The following HEATR3 variants were observed in gnomAD, a reference collection of about 807,000 sequenced individuals.
HEATR3 encodes the protein HEAT repeat containing 3, also known as HEAT repeat-containing protein 3.
Under a neutral mutation model 72.8 loss-of-function variants are expected in HEATR3, and 56 were observed. The ratio of observed to expected loss-of-function variants is 0.77; its 90% CI spans 0.62 to 0.96. The LOEUF is 0.96. HEATR3 is among the 40% of genes least tolerant of loss of function. The pLI is 0.00. For synonymous variants in HEATR3, 331 were observed against 318.1 expected (o/e 1.04, Z -0.43); for missense variants, 747 against 831.4 (o/e 0.90, Z 1.25).
chr16:50,098,895 A>G (rs1396039209), intron 12 of HEATR3, among the ~76,000 whole-genome samples: 4 of 152,110 alleles, frequency 2.6e-5, no homozygotes, highest in African/African-American at 9.7e-5. Flanking sequence ...ACTTAATAGT[A>G]TCAAAATAAC....
intron 8 of HEATR3, 28 bp downstream of exon 8, chr16:50,084,055 T>G (rs1315602899): frequency 1.2e-6 from 2 of 1,613,876 alleles, no homozygotes; most frequent in Non-Finnish European, 1.7e-6. Flanking sequence ...TTTAGACATT[T>G]TCCCCCTGAG....
intron 5 of HEATR3, among the ~76,000 whole-genome samples, chr16:50,075,313 CAA>C (rs60094512): frequency 6.6e-5 from 8 of 121,120 alleles, no homozygotes; most frequent in Admixed American, 8.6e-5. Context: ...AAGACTGTCT[CAA>C]AAAAAAAAAA....
chr16:50,086,235 G>A lies in HEATR3; in HGVS notation c.1394G>A (p.Arg465Lys). 1.9e-6 allele frequency: 3 copies of A among 1,579,574 alleles called. No homozygotes were observed. The highest frequency in any genetic ancestry group is 2.6e-6 in the Non-Finnish European group (3 of 1,161,142). Residue 465 changes from arginine (R) to lysine (K), a missense_variant, in exon 11 of 15, where the codon AGA becomes AAA. Physicochemically the swap from Arg to Lys is conservative, Grantham distance 26. Transcript: ENST00000299192. ...LIRKMNTIQC[R>K]ALFCLQSLVS... The stretch of plus-strand genomic sequence containing the variant: ...TCCAGAATGAACACTATTCAGTGCA[G>A]AGCCCTCTTCTGTCTCCAGAGTCTT...
chr16:50,081,626 C>T (rs986294287), intron 7 of HEATR3, among the ~76,000 whole-genome samples: 26 of 152,134 alleles, frequency 1.7e-4, no homozygotes, highest in African/African-American at 6.0e-4. Flanking sequence ...TGTTTAAGTG[C>T]CAGTAGGATG....
intron 6 of HEATR3, 144 bp from the exon 7 acceptor site, chr16:50,078,597 A>T: frequency 1.3e-6 from 1 of 751,042 alleles, no homozygotes; most frequent in South Asian, 1.9e-5. Flanking sequence ...GAACTCATTG[A>T]TATTTAATAA....
At chr16:50,081,307 G>A (rs900784465) in intron 7 of HEATR3, among the ~76,000 whole-genome samples, 2 of 152,102 alleles carry the variant, frequency 1.3e-5, no homozygotes, top group African/African-American at 4.8e-5. Flanking sequence ...AGGTGTGGTG[G>A]CATGTGCCTG....
At chr16:50,067,523 A>AG (rs56113751) in intron 2 of HEATR3, among the ~76,000 whole-genome samples, 103,688 of 151,848 alleles carry the variant, frequency 0.68, 35,683 homozygotes, top group Admixed American at 0.72. Flanking sequence ...CAGAGAGGGT[A>AG]GGTAGGTGGC....
At chr16:50,072,552 T>G (rs2036634766) in intron 4 of HEATR3, 53 bp from the exon 5 acceptor site, 10 of 1,155,534 alleles carry the variant, frequency 8.7e-6, no homozygotes, top group South Asian at 7.6e-5. Flanking sequence ...TATGGTTGAT[T>G]TCCTACTGTT....
At chr16:50,104,681 A>G (rs1267724742) in intron 14 of HEATR3, among the ~76,000 whole-genome samples, 1 of 152,188 alleles carries the variant, frequency 6.6e-6, no homozygotes, top group East Asian at 1.9e-4. Flanking sequence ...GGTTTACATA[A>G]TTCCTTTCTA....
rs2037496298 is a variant in HEATR3 at position 50,106,829 on chromosome 16, T to C, written c.*1768T>C. Among the ~76,000 whole-genome samples the C allele has an allele frequency of 6.6e-6, 1 of 152,212 alleles. No homozygotes were observed. The highest frequency in any genetic ancestry group is 2.4e-5 in the African/African-American group (1 of 41,462). ...ATGTATTTTACAGTTTTCACCTATATGATATAGACTGTTGGGAAACCAAGA... is the reference window on the plus strand; with the variant it reads ...ATGTATTTTACAGTTTTCACCTATACGATATAGACTGTTGGGAAACCAAGA... On this transcript the variant is annotated 3_prime_UTR_variant, in exon 15 of 15. Transcript: ENST00000299192.
intron 11 of HEATR3, 74 bp downstream of exon 11, chr16:50,086,425 A>G (rs747337051): frequency 7.5e-6 from 11 of 1,460,290 alleles, no homozygotes; most frequent in South Asian, 2.7e-5. Context: ...GGATTTTGTA[A>G]ATGTATATTG....
intron 11 of HEATR3, among the ~76,000 whole-genome samples, chr16:50,090,367 A>T (rs759104083): frequency 6.6e-6 from 1 of 152,168 alleles, no homozygotes; most frequent in Non-Finnish European, 1.5e-5. Flanking sequence ...TTAAAAAAAA[A>T]AGAGAATTTA....
chr16:50,097,695 A>T (rs2037273529), intron 12 of HEATR3, among the ~76,000 whole-genome samples: 1 of 152,124 alleles, frequency 6.6e-6, no homozygotes, highest in African/African-American at 2.4e-5. Context: ...TGGGCGGATC[A>T]CTTGAGGTCA....
intron 5 of HEATR3, chr16:50,074,279 C>T (rs538565775): frequency 3.9e-5 from 6 of 152,104 alleles, no homozygotes; most frequent in South Asian, 2.1e-4. Flanking sequence ...GGAAGCCAGA[C>T]GTCCCAAAAC....
At position 50,105,107 on chromosome 16, in the gene HEATR3, T is replaced by TTAG. The variant is rs765412447; in HGVS notation, c.*47_*49dup. 1.9e-6 allele frequency: 3 copies of TTAG among 1,559,942 alleles called. No individual in the cohort carries two copies. The highest frequency in any genetic ancestry group is 2.6e-6 in the Non-Finnish European group (3 of 1,141,246). On this transcript the variant is annotated 3_prime_UTR_variant, in exon 15 of 15. Coordinates refer to ENST00000299192, the MANE Select transcript of HEATR3 (RefSeq NM_182922.4). ...GTTCTTCCCCCAAAGTATTCAATGC[T>TTAG]TAGAATACTAAAAGGTTTTCTTTGA...
chr16:50,104,795 C>A, intron 14 of HEATR3, 144 bp from the exon 15 acceptor site: 1 of 611,792 alleles, frequency 1.6e-6, no homozygotes. Flanking sequence ...GTTCCATTTA[C>A]CTTGGAAGTA....
intron 2 of HEATR3, among the ~76,000 whole-genome samples, chr16:50,068,157 G>T (rs947165888): frequency 3.9e-5 from 6 of 152,244 alleles, no homozygotes; most frequent in South Asian, 2.1e-4. Flanking sequence ...CATTGTGAGG[G>T]CATCTTCTGA....
chr16:50,072,933 A>C (rs975911772), intron 5 of HEATR3: 1 of 473,426 alleles, frequency 2.1e-6, no homozygotes, highest in Non-Finnish European at 3.8e-6. Flanking sequence ...AAAGGGAGAA[A>C]GGTAATTATG....
At chr16:50,066,636 C>CTGATGGCACACAG in intron 2 of HEATR3, 97 bp downstream of exon 2, 1 of 1,109,668 alleles carries the variant, frequency 9.0e-7, no homozygotes, top group Non-Finnish European at 1.1e-6. Context: ...TTCTGTGTGC[C>CTGATGGCACACAG]ATCAGGCACT....
Sources: gnomAD v4.1 joint callset for allele counts (sites outside exome capture counted in the v4.1 genomes callset) on GRCh38, gnomAD v4.1.1 for gene constraint, MANE v1.5 for transcripts, NCBI Gene and HGNC (gene_info 2026-07-23, HGNC 2026-07-21) for gene names.